Variants in NBAS observed in about 807,000 individuals in gnomAD.
The protein encoded by NBAS is NAG/BC035112 fusion.
Under a neutral mutation model 302.5 loss-of-function variants are expected in NBAS, and 219 were observed. The observed-to-expected ratio is 0.72, with a 90% CI of 0.65 to 0.81. The LOEUF (loss-of-function observed/expected upper bound fraction) is 0.81. Ranked by LOEUF, NBAS falls within the 30% of genes least tolerant of loss-of-function variation. The pLI is 0.00. For missense variants in NBAS, 2,932 were observed against 2,841.6 expected (o/e 1.03, Z -0.72); for synonymous variants, 1,118 against 1,021.6 (o/e 1.09, Z -1.80).
the NBAS span, among the ~76,000 whole-genome samples, chr2:15,110,189 G>A: frequency 2.0e-5 from 3 of 152,072 alleles, no homozygotes; most frequent in South Asian, 6.2e-4. Context: ...CTCAGGACAT[G>A]CAGGCACCAG....
the NBAS span, among the ~76,000 whole-genome samples, chr2:15,136,206 A>G: frequency 6.6e-6 from 1 of 152,226 alleles, no homozygotes; most frequent in Non-Finnish European, 1.5e-5. Context: ...TTTCCAGCTC[A>G]GGCATATCCT....
intron 48 of NBAS, among the ~76,000 whole-genome samples, chr2:15,194,928 G>C (rs1274416381): frequency 6.6e-6 from 1 of 152,040 alleles, no homozygotes; most frequent in Non-Finnish European, 1.5e-5. Context: ...TCTATCTACA[G>C]ATAAATTGTC....
intron 40 of NBAS, among the ~76,000 whole-genome samples, chr2:15,306,585 G>A (rs959526523): frequency 2.0e-5 from 3 of 152,094 alleles, no homozygotes; most frequent in Admixed American, 1.3e-4. Flanking sequence ...CTAGAACTTT[G>A]ACAGACACAT....
At chr2:15,485,712 T>C (rs1011290399) in intron 12 of NBAS, among the ~76,000 whole-genome samples, 10 of 152,200 alleles carry the variant, frequency 6.6e-5, no homozygotes, top group Non-Finnish European at 1.3e-4. Flanking sequence ...CCAGAGTGTC[T>C]GTGAAGAGGT....
chr2:14,985,142 C>T, the NBAS span, among the ~76,000 whole-genome samples: 4 of 152,132 alleles, frequency 2.6e-5, no homozygotes, highest in South Asian at 8.3e-4. Context: ...GCTGGGAAGG[C>T]TTCGGAATTG....
chr2:14,969,686 T>C, the NBAS span, among the ~76,000 whole-genome samples: 2 of 152,058 alleles, frequency 1.3e-5, no homozygotes, highest in Non-Finnish European at 2.9e-5. Context: ...CTGTAAGTTA[T>C]TTTTTTTAAA....
chr2:15,212,373 C>T (rs1361363974), intron 48 of NBAS, among the ~76,000 whole-genome samples: 8 of 152,184 alleles, frequency 5.3e-5, no homozygotes, highest in African/African-American at 1.7e-4. Context: ...ATGATACTCG[C>T]GGCTCTCCAG....
At chr2:15,551,357 A>T in intron 6 of NBAS, 136 bp downstream of exon 6, 1 of 535,528 alleles carries the variant, frequency 1.9e-6, no homozygotes. Context: ...AAAAAAAAGC[A>T]GTTTTTAAAA....
At chr2:15,146,945 G>A in the NBAS span, among the ~76,000 whole-genome samples, 1 of 152,178 alleles carries the variant, frequency 6.6e-6, no homozygotes, top group African/African-American at 2.4e-5. Flanking sequence ...CAGTAGTTGA[G>A]CTGGTTACCC....
At chr2:15,155,763 C>T in the NBAS span, among the ~76,000 whole-genome samples, 2 of 152,166 alleles carry the variant, frequency 1.3e-5, no homozygotes, top group African/African-American at 4.8e-5. Flanking sequence ...GAAGTAATTG[C>T]CATACACACA....
At chr2:14,924,492 A>G in the NBAS span, among the ~76,000 whole-genome samples, 127 of 152,360 alleles carry the variant, frequency 8.3e-4, no homozygotes, top group African/African-American at 3.0e-3. Context: ...GCATTAATTT[A>G]TCAGACATCA....
chr2:15,117,530 G>A, the NBAS span, among the ~76,000 whole-genome samples: 2 of 152,058 alleles, frequency 1.3e-5, no homozygotes, highest in Non-Finnish European at 2.9e-5. Context: ...TTGTCCTAGA[G>A]GAAAAAAGTA....
rs1678424628 is a variant in NBAS at position 15,441,782 on chromosome 2, CAT to C, written c.2340-13990_2340-13989del. 2.0e-5 allele frequency among the ~76,000 whole-genome samples: 3 copies of C among 152,060 alleles called. No individual in the cohort carries two copies. In the South Asian group the frequency reaches 6.2e-4, roughly 32 times the overall value. ...AACCCATCTCATGTGCAGAGACAAACATAGGCTCAAAATAAAAGGATGGAGGA... is the reference window on the plus strand; with the variant it reads ...AACCCATCTCATGTGCAGAGACAAACAGGCTCAAAATAAAAGGATGGAGGA... On this transcript the variant is annotated intron_variant, in intron 21 of 51. Coordinates refer to ENST00000281513, the MANE Select transcript of NBAS (RefSeq NM_015909.4).
chr2:15,067,120 C>T, the NBAS span, among the ~76,000 whole-genome samples: 4 of 126,702 alleles, frequency 3.2e-5, no homozygotes, highest in African/African-American at 9.6e-5. Context: ...TCCAGGAGTT[C>T]GAGACCAGCC....
At chr2:15,428,202 T>C (rs1373243323) in intron 21 of NBAS, among the ~76,000 whole-genome samples, 1 of 152,238 alleles carries the variant, frequency 6.6e-6, no homozygotes, top group African/African-American at 2.4e-5. Flanking sequence ...TTTGCATCTT[T>C]GCTATCCAAT....
chr2:15,178,835 A>G (rs141957686), intron 51 of NBAS, among the ~76,000 whole-genome samples, 153 bp downstream of exon 51: 1 of 152,302 alleles, frequency 6.6e-6, no homozygotes, highest in African/African-American at 2.4e-5. Flanking sequence ...CACTGCTGGG[A>G]CAAAACAGGA....
At chr2:15,486,057 G>A (rs1680615026) in intron 12 of NBAS, among the ~76,000 whole-genome samples, 1 of 152,142 alleles carries the variant, frequency 6.6e-6, no homozygotes, top group Non-Finnish European at 1.5e-5. Context: ...GAAAGGGAGG[G>A]GTGGCCGACC....
intron 31 of NBAS, among the ~76,000 whole-genome samples, chr2:15,374,300 C>G (rs1674628262): frequency 6.6e-6 from 1 of 152,116 alleles, no homozygotes; most frequent in Middle Eastern, 3.2e-3. Flanking sequence ...CTGATATATT[C>G]TCATCCATAA....
At chr2:15,372,014 G>C (rs569755228) in intron 31 of NBAS, among the ~76,000 whole-genome samples, 1 of 152,110 alleles carries the variant, frequency 6.6e-6, no homozygotes, top group Non-Finnish European at 1.5e-5. Context: ...AATTCTGTAA[G>C]ATTCTTATTA....
Sources: gnomAD v4.1 joint callset for allele counts (sites outside exome capture counted in the v4.1 genomes callset) on GRCh38, gnomAD v4.1.1 for gene constraint, MANE v1.5 for transcripts, NCBI Gene and HGNC (gene_info 2026-07-23, HGNC 2026-07-21) for gene names.